Variants in DPP10 observed in about 807,000 individuals in gnomAD.
DPP10 encodes inactive dipeptidyl peptidase 10.
A neutral mutation model predicts 120.9 loss-of-function variants in DPP10; 33 were observed. The observed-to-expected ratio is 0.27, with a 90% CI of 0.21 to 0.37. The LOEUF is 0.37. Among genes scored for constraint, DPP10 ranks in the 10% least tolerant of loss-of-function variants. The probability of loss-of-function intolerance (pLI) is 1.00; values close to 1 mark genes in which losing one functional copy is unlikely to be tolerated. For missense variants in DPP10, 816 were observed against 942.8 expected (o/e 0.87, Z 1.76); for synonymous variants, 337 against 326.1 (o/e 1.03, Z -0.36).
At chr2:114,827,591 G>T (rs1182686469) in intron 1 of DPP10, among the ~76,000 whole-genome samples, 1 of 151,946 alleles carries the variant, frequency 6.6e-6, no homozygotes, top group Non-Finnish European at 1.5e-5. Context: ...CCACTTTTTT[G>T]ATTTATTAAT....
intron 3 of DPP10, among the ~76,000 whole-genome samples, chr2:115,406,501 G>T (rs2068519574): frequency 6.6e-6 from 1 of 152,044 alleles, no homozygotes; most frequent in South Asian, 2.1e-4. Flanking sequence ...TAACTAACTT[G>T]TTTAAAAGAG....
chr2:115,577,871 AG>A (rs1224019343), intron 5 of DPP10, among the ~76,000 whole-genome samples: 4 of 152,178 alleles, frequency 2.6e-5, no homozygotes, highest in Non-Finnish European at 2.9e-5. Flanking sequence ...TTCTCTTTAA[AG>A]ACCCTGTATC....
At chr2:114,770,333 G>T (rs1424553523) in intron 1 of DPP10, among the ~76,000 whole-genome samples, 4 of 152,096 alleles carry the variant, frequency 2.6e-5, no homozygotes, top group Non-Finnish European at 5.9e-5. Flanking sequence ...TTGAAGAGAA[G>T]AACAATAACA....
intron 1 of DPP10, among the ~76,000 whole-genome samples, chr2:114,792,735 A>C (rs1374689993): frequency 6.6e-6 from 1 of 152,224 alleles, no homozygotes; most frequent in African/African-American, 2.4e-5. Context: ...CTGAGCTCTC[A>C]GCTCTAATGA....
chr2:114,550,845 G>A (rs944626462), intron 1 of DPP10, among the ~76,000 whole-genome samples: 1 of 152,178 alleles, frequency 6.6e-6, no homozygotes, highest in Admixed American at 6.5e-5. Flanking sequence ...AATCATGGGG[G>A]CACGGAATGA....
chr2:115,381,434 T>G (rs926506912), intron 3 of DPP10, among the ~76,000 whole-genome samples: 1 of 152,194 alleles, frequency 6.6e-6, no homozygotes, highest in Non-Finnish European at 1.5e-5. Flanking sequence ...CTGTATTGGT[T>G]ATTCTAGTTA....
At chr2:115,647,989 C>G (rs982146145) in intron 5 of DPP10, among the ~76,000 whole-genome samples, 1 of 152,048 alleles carries the variant, frequency 6.6e-6, no homozygotes, top group Non-Finnish European at 1.5e-5. Flanking sequence ...AGTAAAGATT[C>G]ATATCACTTT....
At chr2:114,768,942 A>G (rs376442560) in intron 1 of DPP10, among the ~76,000 whole-genome samples, 1 of 152,122 alleles carries the variant, frequency 6.6e-6, no homozygotes, top group East Asian at 1.9e-4. Flanking sequence ...CAGATCCTGA[A>G]TGGCATTATA....
At chr2:115,824,704 C>T (rs934200918) in intron 21 of DPP10, among the ~76,000 whole-genome samples, 9 of 151,666 alleles carry the variant, frequency 5.9e-5, no homozygotes, top group African/African-American at 2.2e-4. Context: ...GCTACATTTT[C>T]GTTATCCAGT....
intron 1 of DPP10, among the ~76,000 whole-genome samples, chr2:114,585,622 A>G (rs1179744255): frequency 6.6e-6 from 1 of 152,200 alleles, no homozygotes; most frequent in East Asian, 1.9e-4. Context: ...CTGGGCAGCA[A>G]GCTGTCGAGC....
At chr2:115,715,243 G>A (rs1301520037) in intron 7 of DPP10, among the ~76,000 whole-genome samples, 1 of 143,490 alleles carries the variant, frequency 7.0e-6, no homozygotes, top group African/African-American at 2.6e-5. Context: ...GGAGGCTGAG[G>A]CAGGAGAATC....
rs146043208 is a variant in DPP10 at position 115,082,600 on chromosome 2, T to C, written c.61-226639T>C. On this transcript the variant is annotated intron_variant, in intron 1 of 25. Coordinates refer to ENST00000410059, the MANE Select transcript of DPP10 (RefSeq NM_020868.6). ...GATGTTGGATATAATCTGAGTAGTC[T>C]CAAGAATTTTGAGGTATATCCACTC... 5.4e-3 allele frequency among the ~76,000 whole-genome samples: 824 copies of C among 152,324 alleles called. 7 individuals are homozygous for C. The highest frequency in any genetic ancestry group is 0.018 in the African/African-American group (768 of 41,568).
chr2:115,444,104 C>G (rs901532457), intron 3 of DPP10, among the ~76,000 whole-genome samples: 1 of 152,098 alleles, frequency 6.6e-6, no homozygotes, highest in African/African-American at 2.4e-5. Flanking sequence ...GTAAGGTGCT[C>G]TGAAACAGGA....
At chr2:115,426,689 C>T (rs1029792436) in intron 3 of DPP10, among the ~76,000 whole-genome samples, 5 of 152,070 alleles carry the variant, frequency 3.3e-5, no homozygotes, top group Non-Finnish European at 5.9e-5. Context: ...GTGCCACTTC[C>T]AACACGAGAT....
At chr2:115,502,117 A>G (rs549680763) in intron 4 of DPP10, among the ~76,000 whole-genome samples, 1 of 152,226 alleles carries the variant, frequency 6.6e-6, no homozygotes, top group African/African-American at 2.4e-5. Flanking sequence ...AGATAATTTG[A>G]CATCTTAATT....
At chr2:115,408,617 G>C (rs575618947) in intron 3 of DPP10, among the ~76,000 whole-genome samples, 1 of 152,090 alleles carries the variant, frequency 6.6e-6, no homozygotes, top group East Asian at 1.9e-4. Flanking sequence ...ATCATATAAA[G>C]TATATTCTCT....
intron 1 of DPP10, among the ~76,000 whole-genome samples, chr2:114,874,690 C>A (rs538061892): frequency 1.3e-5 from 2 of 152,042 alleles, no homozygotes; most frequent in Non-Finnish European, 2.9e-5. Context: ...AAAACCATCT[C>A]CCCAACCCCT....
chr2:115,522,005 A>C (rs1431553868), intron 4 of DPP10, among the ~76,000 whole-genome samples: 1 of 152,174 alleles, frequency 6.6e-6, no homozygotes, highest in East Asian at 1.9e-4. Flanking sequence ...TTGTAATTCA[A>C]AACTGGCAAG....
chr2:114,823,801 G>C (rs909698355), intron 1 of DPP10, among the ~76,000 whole-genome samples: 1 of 152,144 alleles, frequency 6.6e-6, no homozygotes, highest in East Asian at 1.9e-4. Flanking sequence ...TAGAAAGGAG[G>C]GAAATAAAAT....
Sources: allele counts gnomAD v4.1 joint callset (sites outside exome capture counted in the v4.1 genomes callset), GRCh38; gene constraint gnomAD v4.1.1; transcripts MANE v1.5; gene names NCBI Gene and HGNC (gene_info 2026-07-23, HGNC 2026-07-21).